Variants in CTNNA1 observed in about 807,000 individuals in gnomAD.
CTNNA1 encodes the protein catenin alpha 1.
In CTNNA1, 37 loss-of-function variants were observed where a neutral mutation model predicts 98.4. The ratio of observed to expected loss-of-function variants is 0.38; its 90% CI spans 0.29 to 0.49. The LOEUF (loss-of-function observed/expected upper bound fraction) is 0.49. Among genes scored for constraint, CTNNA1 ranks in the 20% least tolerant of loss-of-function variants. The pLI is 0.95. For missense variants in CTNNA1, 761 were observed against 1,147.2 expected (o/e 0.66, Z 4.86); for synonymous variants, 404 against 413.2 (o/e 0.98, Z 0.27).
intron 11 of CTNNA1, among the ~76,000 whole-genome samples, chr5:138,924,164 T>C (rs1763480723): frequency 6.6e-6 from 1 of 152,206 alleles, no homozygotes; most frequent in South Asian, 2.1e-4. Flanking sequence ...TCAGTGAAGC[T>C]AGAGGAAGAT....
At chr5:138,758,210 A>AT (rs1014959018) in intron 1 of CTNNA1, among the ~76,000 whole-genome samples, 6 of 142,244 alleles carry the variant, frequency 4.2e-5, no homozygotes, top group South Asian at 4.5e-4. Flanking sequence ...ATTTATTTTT[A>AT]TTTTTTTTTG....
At chr5:138,839,314 C>T (rs1762073465) in intron 7 of CTNNA1, among the ~76,000 whole-genome samples, 1 of 152,034 alleles carries the variant, frequency 6.6e-6, no homozygotes, top group Admixed American at 6.5e-5. Context: ...ATTTCTCCTG[C>T]CTCAGCCTCC....
rs534484259 is a variant in CTNNA1 at position 138,845,236 on chromosome 5, A to G, written c.1062+17518A>G. Among the ~76,000 whole-genome samples, 12 of 152,234 alleles carry G rather than the reference A, an allele frequency of 7.9e-5. No individual in the cohort carries two copies. The highest frequency in any genetic ancestry group is 1.2e-4 in the Non-Finnish European group (8 of 68,040). ...TGCTAAAGTAGAAATGAATAAAACT[A>G]TTCGGTTTAGCCTCTAGACAGTGAC... On this transcript the variant is annotated intron_variant, in intron 7 of 17. Transcript: ENST00000302763.
intron 10 of CTNNA1, among the ~76,000 whole-genome samples, chr5:138,916,567 A>G (rs973370907): frequency 4.0e-5 from 6 of 151,178 alleles, no homozygotes; most frequent in African/African-American, 1.5e-4. Flanking sequence ...GTGTTGCCCA[A>G]GCTGGAGTGC....
chr5:138,799,573 C>T (rs1009122286), intron 3 of CTNNA1, among the ~76,000 whole-genome samples: 3 of 150,596 alleles, frequency 2.0e-5, no homozygotes, highest in African/African-American at 2.4e-5. Context: ...GTTCTTTTTA[C>T]ATTTAATTTT....
intron 5 of CTNNA1, among the ~76,000 whole-genome samples, chr5:138,821,715 C>A (rs1024193357): frequency 6.6e-6 from 1 of 152,156 alleles, no homozygotes; most frequent in African/African-American, 2.4e-5. Context: ...ATTCAGATTA[C>A]ATTGAAAGCA....
chr5:138,860,921 G>A (rs970068166), intron 7 of CTNNA1, among the ~76,000 whole-genome samples: 5 of 152,152 alleles, frequency 3.3e-5, no homozygotes, highest in African/African-American at 9.7e-5. Flanking sequence ...GGAGTGTGCC[G>A]AGGATGGTAT....
chr5:138,754,722 C>T (rs1308259219), intron 1 of CTNNA1: 1 of 152,050 alleles, frequency 6.6e-6, no homozygotes, highest in African/African-American at 2.4e-5. Context: ...GTAGGAGTTA[C>T]CTATAGTTTC....
chr5:138,856,885 T>C (rs187923929), intron 7 of CTNNA1, among the ~76,000 whole-genome samples: 11 of 152,316 alleles, frequency 7.2e-5, no homozygotes, highest in African/African-American at 2.4e-4. Context: ...AGAGAGAAAT[T>C]GTGTATCTTT....
chr5:138,758,584 C>G (rs550011810), intron 1 of CTNNA1, among the ~76,000 whole-genome samples: 4 of 152,022 alleles, frequency 2.6e-5, no homozygotes, highest in Non-Finnish European at 5.9e-5. Flanking sequence ...ACCATGTTGG[C>G]CAGGATAGTC....
chr5:138,795,054 G>A (rs1756788257), intron 3 of CTNNA1, among the ~76,000 whole-genome samples: 1 of 151,450 alleles, frequency 6.6e-6, no homozygotes, highest in Non-Finnish European at 1.5e-5. Context: ...AGTGGCTGAG[G>A]TGGGAGAATC....
At chr5:138,877,663 G>GGT (rs1751942789) in intron 7 of CTNNA1, among the ~76,000 whole-genome samples, 1 of 152,002 alleles carries the variant, frequency 6.6e-6, no homozygotes, top group Non-Finnish European at 1.5e-5. Context: ...TAGCCAGGAT[G>GGT]GTCTCGATCA....
At chr5:138,799,672 C>A (rs1757345410) in intron 3 of CTNNA1, among the ~76,000 whole-genome samples, 1 of 150,154 alleles carries the variant, frequency 6.7e-6, no homozygotes, top group Non-Finnish European at 1.5e-5. Flanking sequence ...TTGAGGACCT[C>A]ATTTTTAGCT....
At chr5:138,753,814 G>A (rs2149554813) in intron 1 of CTNNA1, 1 of 229,836 alleles carries the variant, frequency 4.4e-6, no homozygotes, top group Non-Finnish European at 8.4e-6. Context: ...GCCCAGCGCC[G>A]CCGCCGCGTT....
chr5:138,804,056 TC>T (rs1326354178), intron 3 of CTNNA1, among the ~76,000 whole-genome samples: 2 of 152,240 alleles, frequency 1.3e-5, no homozygotes, highest in African/African-American at 4.8e-5. Flanking sequence ...CTAGAATTAA[TC>T]ATTTCTACCA....
In CTNNA1 at chr5:138,866,003, G is replaced by C. The variant is rs368471533; in HGVS notation, c.1063-20209G>C. On this transcript the variant is annotated intron_variant, in intron 7 of 17. Coordinates refer to ENST00000302763, the MANE Select transcript of CTNNA1 (RefSeq NM_001903.5). The stretch of plus-strand genomic sequence containing the variant: ...TTTGGCCCTCACGATGATGAAATTG[G>C]TAGGCTAATTATAAATGGCTGCAGA... Among the ~76,000 whole-genome samples the C allele has an allele frequency of 1.1e-4, 16 of 152,234 alleles. No homozygotes were observed. The East Asian group carries it at 3.1e-3, about 29-fold the overall frequency.
chr5:138,779,295 T>C lies in CTNNA1; in HGVS notation c.-2-2628T>C, dbSNP rs570274394. Among the ~76,000 whole-genome samples the C allele has an allele frequency of 2.0e-5, 3 of 152,308 alleles. No homozygotes were observed. The South Asian group carries it at 6.2e-4, about 32-fold the overall frequency. On this transcript the variant is annotated intron_variant, in intron 1 of 17. Transcript: ENST00000302763. The stretch of plus-strand genomic sequence containing the variant: ...CTATTCTAGATTCATGGTAAAGAAA[T>C]TCCCTCCCCATACCCTTTCTTTTGA...
chr5:138,770,398 C>T (rs773364600), intron 1 of CTNNA1, among the ~76,000 whole-genome samples: 3 of 152,156 alleles, frequency 2.0e-5, no homozygotes, highest in East Asian at 1.9e-4. Flanking sequence ...AACTATAATA[C>T]GATGGAAGCT....
At chr5:138,896,749 T>C (rs1756901375) in intron 9 of CTNNA1, among the ~76,000 whole-genome samples, 1 of 152,210 alleles carries the variant, frequency 6.6e-6, no homozygotes, top group African/African-American at 2.4e-5. Flanking sequence ...GATAACACCT[T>C]TTATACTCAC....
Sources: allele counts gnomAD v4.1 joint callset (sites outside exome capture counted in the v4.1 genomes callset), GRCh38; gene constraint gnomAD v4.1.1; transcripts MANE v1.5; gene names NCBI Gene and HGNC (gene_info 2026-07-23, HGNC 2026-07-21).